Variants in MIER1 observed in about 807,000 individuals in gnomAD.
MIER1 encodes MIER1 transcriptional regulator.
In MIER1, 40 loss-of-function variants were observed where a neutral mutation model predicts 75.7. The ratio of observed to expected loss-of-function variants is 0.53; its 90% CI spans 0.41 to 0.69. The LOEUF (loss-of-function observed/expected upper bound fraction) is 0.69. MIER1 is among the 30% of genes least tolerant of loss of function. The pLI is 0.00. For synonymous variants in MIER1, 213 were observed against 223.4 expected (o/e 0.95, Z 0.42); for missense variants, 574 against 680.2 (o/e 0.84, Z 1.74).
chr1:66,957,202 G>A (rs1422908111), intron 4 of MIER1, among the ~76,000 whole-genome samples: 2 of 152,166 alleles, frequency 1.3e-5, no homozygotes, highest in African/African-American at 4.8e-5. Flanking sequence ...TTACTGGTTA[G>A]AGTGAGTAGT....
At chr1:66,946,089 T>G in intron 3 of MIER1, 61 bp from the exon 4 acceptor site, 1 of 1,473,576 alleles carries the variant, frequency 6.8e-7, no homozygotes, top group East Asian at 2.4e-5. Flanking sequence ...AATATATACA[T>G]TAATATTAAT....
chr1:66,979,833 C>T (rs1192559641), intron 12 of MIER1, among the ~76,000 whole-genome samples: 11 of 151,538 alleles, frequency 7.3e-5, no homozygotes, highest in Admixed American at 2.6e-4. Flanking sequence ...GGCGCAATCT[C>T]GGCTCACTGC....
chr1:66,977,567 A>T (rs1324611433), intron 12 of MIER1, among the ~76,000 whole-genome samples: 1 of 152,146 alleles, frequency 6.6e-6, no homozygotes, highest in African/African-American at 2.4e-5. Context: ...TCCATTCTTT[A>T]TGTAAAATGT....
At chr1:66,968,484 A>G (rs894666999) in intron 8 of MIER1, among the ~76,000 whole-genome samples, 8 of 152,164 alleles carry the variant, frequency 5.3e-5, no homozygotes, top group Non-Finnish European at 8.8e-5. Context: ...TCTTTATTGT[A>G]GGGATTACTT....
intron 8 of MIER1, among the ~76,000 whole-genome samples, chr1:66,969,581 G>C (rs72673725): frequency 0.22 from 30,115 of 138,834 alleles, 3,588 homozygotes; most frequent in Non-Finnish European, 0.26. Context: ...AAAAATCATT[G>C]CCTGGTACAT....
chr1:66,925,543 C>G, intron 1 of MIER1: 1 of 985,418 alleles, frequency 1.0e-6, no homozygotes. Context: ...TGGTGAGCAG[C>G]GCCCTGGGCC....
chr1:66,963,154 GA>G lies in MIER1; in HGVS notation c.771del (p.Val258TyrfsTer20). 1 of 1,604,778 alleles carries G rather than the reference GA, an allele frequency of 6.2e-7. No homozygotes were observed. Among genetic ancestry groups the G allele is most frequent in the Non-Finnish European group, 8.5e-7 (1 of 1,172,068 alleles). On this transcript the variant is annotated frameshift_variant, in exon 8 of 14. Coordinates refer to ENST00000401041, the MANE Select transcript of MIER1 (RefSeq NM_001077700.3). LOFTEE classifies it high-confidence loss of function. ...TGGCATTTGTAGATACAAAGAAAAT[GA>G]AAAAGGTGGGTTATTAGTAAAGTTA... The part of the protein sequence containing the change: ...PVGICRYKEN[E>X]KVYENDDQLL...
intron 2 of MIER1, among the ~76,000 whole-genome samples, chr1:66,933,198 A>C (rs1269610767): frequency 1.3e-5 from 2 of 152,194 alleles, no homozygotes; most frequent in Non-Finnish European, 2.9e-5. Flanking sequence ...CAGTTTTACT[A>C]ACTGCAAAAA....
chr1:66,953,278 A>G (rs886197908), intron 4 of MIER1, among the ~76,000 whole-genome samples: 11 of 152,340 alleles, frequency 7.2e-5, no homozygotes, highest in Middle Eastern at 3.4e-3. Flanking sequence ...TCCTTACATG[A>G]TGCTTGTTTA....
chr1:66,925,076 C>T lies in MIER1; in HGVS notation c.48C>T (p.Gly16=), dbSNP rs1651149897. 1.6e-5 allele frequency: 25 copies of T among 1,546,664 alleles called. No individual in the cohort carries two copies. The highest frequency in any genetic ancestry group is 2.0e-5 in the Non-Finnish European group (23 of 1,145,696). Residue 16 remains glycine (G), a synonymous_variant, in exon 1 of 14, where the codon GGC becomes GGT. Transcript: ENST00000401041. ...SGGGGSSEGG[G]GSSGSGYGVV... ...GTGGCGGCAGCAGCGAAGGTGGCGG[C>T]GGCAGCAGCGGCAGCGGCTGTAAGT...
intron 12 of MIER1, 70 bp downstream of exon 12, chr1:66,976,792 A>T: frequency 3.1e-6 from 4 of 1,292,834 alleles, no homozygotes; most frequent in Non-Finnish European, 3.1e-6. Context: ...TTCTTGAGTT[A>T]ATTATTATTT....
chr1:66,932,559 T>C (rs528507171), intron 2 of MIER1: 2 of 152,304 alleles, frequency 1.3e-5, no homozygotes, highest in African/African-American at 4.8e-5. Context: ...TTGAGACCAG[T>C]GGTTTTAAAC....
chr1:66,975,941 C>CTTTTACTATTATTAGCAAA (rs1664615620), intron 11 of MIER1, among the ~76,000 whole-genome samples: 2 of 152,070 alleles, frequency 1.3e-5, no homozygotes, highest in Admixed American at 6.6e-5. Context: ...TATTAGCAAA[C>CTTTTACTATTATTAGCAAA]TGTTTATAAC....
chr1:66,968,342 G>C (rs911510735), intron 8 of MIER1, among the ~76,000 whole-genome samples: 1 of 152,114 alleles, frequency 6.6e-6, no homozygotes, highest in Non-Finnish European at 1.5e-5. Context: ...TATGCTGTTA[G>C]AAATAAAACT....
intron 1 of MIER1, chr1:66,925,486 A>T (rs1471858640): frequency 2.0e-6 from 2 of 984,884 alleles, no homozygotes; most frequent in Non-Finnish European, 2.4e-6. Context: ...TATTTCCCTC[A>T]CTTGTGTCCC....
intron 3 of MIER1, 52 bp from the exon 4 acceptor site, chr1:66,946,098 A>T (rs1458808816): frequency 6.5e-7 from 1 of 1,528,488 alleles, no homozygotes; most frequent in Non-Finnish European, 8.8e-7. Flanking sequence ...ATTAATATTA[A>T]TAAGATCCAC....
chr1:66,943,383 T>C (rs1055009166), intron 3 of MIER1, among the ~76,000 whole-genome samples: 9 of 152,234 alleles, frequency 5.9e-5, no homozygotes, highest in Admixed American at 1.3e-4. Context: ...CTTTTCTAAA[T>C]GTTTTTATTT....
intron 2 of MIER1, among the ~76,000 whole-genome samples, chr1:66,927,049 A>T (rs144726408): frequency 4.1e-4 from 63 of 152,300 alleles, no homozygotes; most frequent in African/African-American, 1.5e-3. Context: ...GGTTGAAGTA[A>T]GATTGTGCTC....
intron 4 of MIER1, among the ~76,000 whole-genome samples, chr1:66,951,101 CTATAA>C (rs1658826900): frequency 6.6e-6 from 1 of 152,144 alleles, no homozygotes; most frequent in African/African-American, 2.4e-5. Flanking sequence ...CCACTCCAAC[CTATAA>C]TATGTTAGTG....
Sources: gnomAD v4.1 joint callset for allele counts (sites outside exome capture counted in the v4.1 genomes callset) on GRCh38, gnomAD v4.1.1 for gene constraint, MANE v1.5 for transcripts, NCBI Gene and HGNC (gene_info 2026-07-23, HGNC 2026-07-21) for gene names.